SAMD12: variants seen among roughly 807,000 people sequenced by gnomAD.
SAMD12 encodes sterile alpha motif domain-containing protein 12.
In SAMD12, 9 loss-of-function variants were observed where a neutral mutation model predicts 15.0. The ratio of observed to expected loss-of-function variants is 0.60; its 90% CI spans 0.36 to 1.05. The LOEUF (loss-of-function observed/expected upper bound fraction) is 1.05, where lower values mean the gene tolerates loss of function less well. SAMD12 is among the 50% of genes least tolerant of loss of function. The pLI, the probability that SAMD12 is intolerant of heterozygous loss-of-function variation, is 0.01. For missense variants in SAMD12, 230 were observed against 234.2 expected, an observed-to-expected ratio of 0.98 and a Z score of 0.12; for synonymous variants, 86 against 90.1, an observed-to-expected ratio of 0.96 and a Z score of 0.25.
intron 2 of SAMD12, among the ~76,000 whole-genome samples, chr8:118,566,481 T>C (rs570594738): frequency 1.8e-4 from 27 of 152,332 alleles, no homozygotes; most frequent in Non-Finnish European, 3.8e-4. Flanking sequence ...CTCACTTCTG[T>C]CTTGCTCAAC....
intron 1 of SAMD12, among the ~76,000 whole-genome samples, chr8:118,618,605 C>T (rs1368316622): frequency 1.3e-5 from 2 of 151,938 alleles, no homozygotes; most frequent in East Asian, 1.9e-4. Context: ...TTTGGGAGGC[C>T]GAGGCGGGCG....
intron 2 of SAMD12, among the ~76,000 whole-genome samples, chr8:118,488,318 C>G (rs1183336470): frequency 6.6e-6 from 1 of 152,082 alleles, no homozygotes; most frequent in African/African-American, 2.4e-5. Context: ...GGACAACTCT[C>G]CAAAGAGACT....
intron 3 of SAMD12, among the ~76,000 whole-genome samples, chr8:118,384,768 T>G (rs1819861133): frequency 6.6e-6 from 1 of 152,192 alleles, no homozygotes; most frequent in African/African-American, 2.4e-5. Flanking sequence ...ATATTCTTCT[T>G]TTCTTGAATG....
At chr8:118,485,085 T>C (rs1194520182) in intron 2 of SAMD12, among the ~76,000 whole-genome samples, 2 of 152,184 alleles carry the variant, frequency 1.3e-5, no homozygotes, top group Non-Finnish European at 2.9e-5. Flanking sequence ...ACTTGAACTG[T>C]TCCTCTTCTA....
At chr8:118,551,853 C>T (rs1238719860) in intron 2 of SAMD12, among the ~76,000 whole-genome samples, 3 of 151,450 alleles carry the variant, frequency 2.0e-5, no homozygotes, top group East Asian at 3.9e-4. Context: ...ATATCACCAC[C>T]GATCCCACAG....
chr8:118,596,172 G>A (rs1827720436), intron 1 of SAMD12, among the ~76,000 whole-genome samples: 1 of 152,194 alleles, frequency 6.6e-6, no homozygotes, highest in South Asian at 2.1e-4. Context: ...CCAGAAGCCT[G>A]GAGTCAAGCT....
In SAMD12 at chr8:118,612,280, ATTGT is replaced by A. The variant is rs1265780477; in HGVS notation, c.13+9520_13+9523del. ...CTCCCTGGCCTGTCCTCCTTATCTG[ATTGT>A]TTTTCTACAACAGCAAAATCACAAA... On this transcript the variant is annotated intron_variant, in intron 1 of 3. Coordinates refer to ENST00000314727, the MANE Select transcript of SAMD12 (RefSeq NM_207506.3). 2.6e-5 allele frequency among the ~76,000 whole-genome samples: 4 copies of A among 152,098 alleles called. 1 individual carries two copies. The highest frequency in any genetic ancestry group is 9.7e-5 in the African/African-American group (4 of 41,414).
In SAMD12 at chr8:118,430,483, C is replaced by G. The variant is rs529077506; in HGVS notation, c.322+9349G>C. ...GTTCAAGCGATTCTCCTGCTTCAGC[C>G]TCCCGAGTAGCTGGGACTACAGGTG... On this transcript the variant is annotated intron_variant, in intron 3 of 3. Coordinates refer to ENST00000314727, the MANE Select transcript of SAMD12 (RefSeq NM_207506.3). Among the ~76,000 whole-genome samples the G allele has an allele frequency of 2.0e-5, 3 of 152,138 alleles. No individual in the cohort carries two copies. In the East Asian group the frequency reaches 5.8e-4, roughly 29 times the overall value.
chr8:118,316,814 A>G (rs1350303258), intron 4 of SAMD12, among the ~76,000 whole-genome samples: 2 of 49,516 alleles, frequency 4.0e-5, no homozygotes, highest in Admixed American at 1.8e-4. Context: ...AATTAAAAAA[A>G]AGTTTTTTTT....
At chr8:118,434,226 T>C (rs763297577) in intron 3 of SAMD12, among the ~76,000 whole-genome samples, 1 of 152,170 alleles carries the variant, frequency 6.6e-6, no homozygotes, top group Non-Finnish European at 1.5e-5. Flanking sequence ...TGGGTGACAG[T>C]TGCAGCATAA....
intron 2 of SAMD12, among the ~76,000 whole-genome samples, chr8:118,502,999 A>C (rs1355648678): frequency 1.3e-5 from 2 of 152,258 alleles, no homozygotes; most frequent in Non-Finnish European, 2.9e-5. Flanking sequence ...AGCACTATAA[A>C]TAACCATGCA....
At chr8:118,453,551 TTC>T (rs1823148226) in intron 2 of SAMD12, among the ~76,000 whole-genome samples, 1 of 152,184 alleles carries the variant, frequency 6.6e-6, no homozygotes, top group Non-Finnish European at 1.5e-5. Flanking sequence ...GACAGGGTCT[TTC>T]TCTGTCACTC....
the SAMD12 span, among the ~76,000 whole-genome samples, chr8:118,134,752 G>T: frequency 6.6e-6 from 1 of 152,136 alleles, no homozygotes; most frequent in African/African-American, 2.4e-5. Context: ...TAACTTGTCC[G>T]CTGTTTAATC....
intron 2 of SAMD12, among the ~76,000 whole-genome samples, chr8:118,514,714 G>T (rs906844253): frequency 6.6e-6 from 1 of 152,176 alleles, no homozygotes; most frequent in African/African-American, 2.4e-5. Context: ...TGGACAAGTG[G>T]TGGTTAATAA....
At chr8:118,600,522 A>T (rs1827833394) in intron 1 of SAMD12, among the ~76,000 whole-genome samples, 1 of 151,244 alleles carries the variant, frequency 6.6e-6, no homozygotes, top group Admixed American at 6.6e-5. Context: ...ACTAATAGTC[A>T]GCAGTGCAGA....
intron 3 of SAMD12, among the ~76,000 whole-genome samples, chr8:118,396,473 T>C (rs1206057251): frequency 2.6e-5 from 4 of 152,192 alleles, no homozygotes; most frequent in Non-Finnish European, 5.9e-5. Context: ...GGGCTCTCTA[T>C]GAAGAAAGCA....
chr8:118,248,068 C>A (rs1035093870), intron 4 of SAMD12, among the ~76,000 whole-genome samples: 1 of 152,094 alleles, frequency 6.6e-6, no homozygotes, highest in East Asian at 1.9e-4. Context: ...TAATTGAAAT[C>A]GTTGTAAAAG....
chr8:118,439,618 A>G (rs1416779132), intron 3 of SAMD12, among the ~76,000 whole-genome samples: 7 of 112,662 alleles, frequency 6.2e-5, no homozygotes, highest in African/African-American at 1.9e-4. Flanking sequence ...TACTTTTACA[A>G]TGGATGCTAA....
chr8:118,451,057 T>C (rs948053752), intron 2 of SAMD12, among the ~76,000 whole-genome samples: 16 of 152,206 alleles, frequency 1.1e-4, no homozygotes, highest in Non-Finnish European at 1.6e-4. Flanking sequence ...TGAATTTTCC[T>C]GACAACCTGC....
Sources: allele counts gnomAD v4.1 joint callset (sites outside exome capture counted in the v4.1 genomes callset), GRCh38; gene constraint gnomAD v4.1.1; transcripts MANE v1.5; gene names NCBI Gene and HGNC (gene_info 2026-07-23, HGNC 2026-07-21).